The following ACTR3 variants were observed in gnomAD, a reference collection of about 807,000 sequenced individuals.
ACTR3 encodes the protein actin related protein 3, also known as actin-related protein 3.
ACTR3 carries 12 observed loss-of-function variants against 56.8 expected under a neutral mutation model. The ratio of observed to expected loss-of-function variants is 0.21; its 90% CI spans 0.14 to 0.34. The LOEUF (loss-of-function observed/expected upper bound fraction) is 0.34. ACTR3 is among the 10% of genes least tolerant of loss of function. ACTR3 has a pLI of 1.00. For synonymous variants in ACTR3, 162 were observed against 167.4 expected (o/e 0.97, Z 0.25); for missense variants, 282 against 512.5 (o/e 0.55, Z 4.34).
In ACTR3 at chr2:113,940,442, CTTTAT is replaced by C. The variant is rs143130593; in HGVS notation, c.684+345_684+349del. Among the ~76,000 whole-genome samples, 13 of 152,092 alleles carry C rather than the reference CTTTAT, an allele frequency of 8.5e-5. No homozygotes were observed. In the East Asian group the frequency reaches 1.7e-3, roughly 20 times the overall value. ...TGCATCTCAGTTTCTTCACTGAATT[CTTTAT>C]TTTAATTCTAAAAGCTTTTGTCATA... On this transcript the variant is annotated intron_variant, in intron 7 of 11. Coordinates refer to ENST00000263238, the MANE Select transcript of ACTR3 (RefSeq NM_005721.5).
chr2:113,952,469 T>C (rs976798197), intron 10 of ACTR3: 25 of 152,192 alleles, frequency 1.6e-4, no homozygotes, highest in Middle Eastern at 3.2e-3. Flanking sequence ...AGGAATGATA[T>C]GGCTTTTTTC....
rs1481987061 is a variant in ACTR3, at chr2:113,957,218, G to A, written c.1162-142G>A. On this transcript the variant is annotated intron_variant, in intron 11 of 11. Coordinates refer to ENST00000263238, the MANE Select transcript of ACTR3 (RefSeq NM_005721.5). ...AAGTCATGGCTGCTAGAATTTCTAA[G>A]CTTTCATGCCATGAATGGACTAATA... is the stretch of plus-strand genomic sequence containing the variant. 5.4e-6 allele frequency: 3 copies of A among 552,066 alleles called. No homozygotes were observed. The African/African-American group carries it at 5.6e-5, about 10-fold the overall frequency. 34.2% of individuals were successfully genotyped at this position (552,066 alleles called of 1,614,324 possible).
At chr2:113,901,179 G>T (rs1268835977) in intron 1 of ACTR3, among the ~76,000 whole-genome samples, 3 of 152,172 alleles carry the variant, frequency 2.0e-5, no homozygotes, top group Admixed American at 6.5e-5. Context: ...TTAGCTGGGC[G>T]TGGTGGCGTG....
At chr2:113,931,079 AT>A (rs201847062) in intron 4 of ACTR3, among the ~76,000 whole-genome samples, 7 of 148,962 alleles carry the variant, frequency 4.7e-5, no homozygotes, top group Non-Finnish European at 7.5e-5. Flanking sequence ...CATTCAGGGT[AT>A]TTTTTTTTTA....
intron 1 of ACTR3, among the ~76,000 whole-genome samples, chr2:113,895,172 T>A (rs907654491): frequency 1.3e-5 from 2 of 151,274 alleles, no homozygotes; most frequent in African/African-American, 4.9e-5. Flanking sequence ...TCTCAGGAAA[T>A]AATAATAGCT....
Position 113,951,306 on chromosome 2 carries a change from A to G in ACTR3, c.859-173A>G, listed in dbSNP as rs1278891174. 5 of 530,040 alleles carry G rather than the reference A, an allele frequency of 9.4e-6. No individual in the cohort carries two copies. In the Admixed American group the frequency reaches 1.6e-4, roughly 17 times the overall value. The allele number at this position is 530,040 out of a possible 1,614,324, so 32.8% of individuals were successfully genotyped here. A position where few individuals can be genotyped will look rare whatever the true frequency, so the allele number is the denominator to read the frequency against. On this transcript the variant is annotated intron_variant, in intron 8 of 11. Transcript: ENST00000263238. ...TAGTTATAAAATGGTATATATCATC[A>G]TAATTTTGAGTTTTCTCTGATTTCA...
chr2:113,956,257 A>C (rs1680212336), intron 11 of ACTR3, among the ~76,000 whole-genome samples: 1 of 151,996 alleles, frequency 6.6e-6, no homozygotes, highest in South Asian at 2.1e-4. Flanking sequence ...TACTTGGAGA[A>C]GAACAAAGCA....
rs187172216 is a variant in ACTR3, at chr2:113,957,751, C to A, written c.*296C>A. The A allele has an allele frequency of 5.2e-5, 15 of 290,076 alleles. No homozygotes were observed. Among genetic ancestry groups the A allele is most frequent in the African/African-American group, 3.0e-4 (14 of 47,136 alleles). 18.0% of individuals were successfully genotyped at this position (290,076 alleles called of 1,614,324 possible). A position where few individuals can be genotyped will look rare whatever the true frequency, so the allele number is the denominator to read the frequency against. On this transcript the variant is annotated 3_prime_UTR_variant, in exon 12 of 12. Transcript: ENST00000263238. ...GTATATTAATGAATTATCCAAGATT[C>A]GATGGGATTTATCAGTGTGTAGATA...
At chr2:113,956,017 TG>T (rs1680205626) in intron 11 of ACTR3, among the ~76,000 whole-genome samples, 1 of 152,038 alleles carries the variant, frequency 6.6e-6, no homozygotes, top group South Asian at 2.1e-4. Context: ...AGCAAAGTGT[TG>T]GGTTTACAGG....
rs761462073 is a variant in ACTR3, at chr2:113,940,071, A to G, written c.653A>G (p.Glu218Gly). ...GACCGAGAAGTAGGAATCCCTCCAG[A>G]ACAATCCTTGGAAACTGCTAAGGCA... ...LRDREVGIPPEQSLETAKAVK... is the reference protein window; with the variant it reads ...LRDREVGIPPGQSLETAKAVK... Residue 218 changes from glutamate (E) to glycine (G), a missense_variant, in exon 7 of 12, where the codon GAA (glutamate) becomes GGA (glycine). Transcript: ENST00000263238. 3.7e-6 allele frequency: 6 copies of G among 1,613,380 alleles called. No individual in the cohort carries two copies. In the Admixed American group the frequency reaches 8.3e-5, roughly 22 times the overall value.
chr2:113,895,532 A>G (rs554585520), intron 1 of ACTR3, among the ~76,000 whole-genome samples: 2 of 152,324 alleles, frequency 1.3e-5, no homozygotes, highest in East Asian at 1.9e-4. Flanking sequence ...GGGTTGGACT[A>G]TGAATATTCA....
intron 6 of ACTR3, among the ~76,000 whole-genome samples, chr2:113,937,379 T>TA (rs1343385350): frequency 6.6e-6 from 1 of 152,196 alleles, no homozygotes; most frequent in Non-Finnish European, 1.5e-5. Flanking sequence ...GTCCTGGGAT[T>TA]ACAGGCATGA....
chr2:113,951,715 A>G lies in ACTR3; in HGVS notation c.952-5A>G. 1.3e-6 allele frequency: 2 copies of G among 1,592,496 alleles called. No homozygotes were observed. The highest frequency in any genetic ancestry group is 1.7e-6 in the Non-Finnish European group (2 of 1,166,862). Reference sequence around the variant, plus strand: ...TAAATATTATATTTATTTTCTCTCCACTAGAATATTGTCCTCTCTGGAGGT... The same window carrying G: ...TAAATATTATATTTATTTTCTCTCCGCTAGAATATTGTCCTCTCTGGAGGT... On this transcript the variant is annotated splice_region_variant and splice_polypyrimidine_tract_variant and intron_variant, in intron 9 of 11. Coordinates refer to ENST00000263238, the MANE Select transcript of ACTR3 (RefSeq NM_005721.5).
At chr2:113,899,702 A>G (rs1423902975) in intron 1 of ACTR3, among the ~76,000 whole-genome samples, 6 of 152,222 alleles carry the variant, frequency 3.9e-5, no homozygotes, top group Non-Finnish European at 7.3e-5. Context: ...AGCTAAATTG[A>G]AAGCTCCATA....
intron 1 of ACTR3, among the ~76,000 whole-genome samples, chr2:113,898,581 G>T (rs1679048546): frequency 6.6e-6 from 1 of 152,112 alleles, no homozygotes; most frequent in Non-Finnish European, 1.5e-5. Context: ...TAATGCAGAG[G>T]CATACTGTAT....
Position 113,940,055 on chromosome 2 carries a change from G to A in ACTR3, c.637G>A (p.Val213Ile), listed in dbSNP as rs746747244. 1.9e-6 allele frequency: 3 copies of A among 1,613,560 alleles called. No individual in the cohort carries two copies. The South Asian group carries it at 3.3e-5, about 18-fold the overall frequency. ...FIQQLLRDRE[V>I]GIPPEQSLET... ...TCAGCAACTGCTGAGAGACCGAGAAGTAGGAATCCCTCCAGAACAATCCTT... is the reference window on the plus strand; with the variant it reads ...TCAGCAACTGCTGAGAGACCGAGAAATAGGAATCCCTCCAGAACAATCCTT... The change falls in exon 7 of 12, where the codon GTA (valine) becomes ATA (isoleucine). Residue 213 changes from valine (V) to isoleucine (I), a missense_variant. By Grantham distance (29) the Val-to-Ile change is conservative (BLOSUM62 3). Transcript: ENST00000263238.
intron 3 of ACTR3, among the ~76,000 whole-genome samples, chr2:113,917,952 T>C (rs1348597757): frequency 6.6e-6 from 1 of 152,110 alleles, no homozygotes; most frequent in African/African-American, 2.4e-5. Flanking sequence ...AGCTGAGGCT[T>C]GAAGAATAAA....
At chr2:113,942,125 A>G in intron 7 of ACTR3, 61 bp from the exon 8 acceptor site, 2 of 1,318,266 alleles carry the variant, frequency 1.5e-6, no homozygotes, top group Non-Finnish European at 2.0e-6. Context: ...AAAACATGCC[A>G]TTCTTCTTTA....
rs542437108 is a variant in ACTR3, at chr2:113,905,790, G to A, written c.45-7382G>A. ...GTGATTGGTTTATTTTACTTATAAT[G>A]TATTCAAGGTTCATCCATGTTGTAA... On this transcript the variant is annotated intron_variant, in intron 1 of 11. Coordinates refer to ENST00000263238, the MANE Select transcript of ACTR3 (RefSeq NM_005721.5). Among the ~76,000 whole-genome samples the A allele has an allele frequency of 1.1e-4, 17 of 152,258 alleles. No homozygotes were observed. In the South Asian group the frequency reaches 3.3e-3, roughly 30 times the overall value.
Sources: allele counts gnomAD v4.1 joint callset (sites outside exome capture counted in the v4.1 genomes callset), GRCh38; gene constraint gnomAD v4.1.1; transcripts MANE v1.5; gene names NCBI Gene and HGNC (gene_info 2026-07-23, HGNC 2026-07-21).